SPRED2: variants seen among roughly 807,000 people sequenced by gnomAD.
SPRED2 encodes the protein sprouty related EVH1 domain containing 2.
In SPRED2, 47 loss-of-function variants were observed where a neutral mutation model predicts 43.0. The observed-to-expected ratio is 1.09, with a 90% CI of 0.87 to 1.40. The LOEUF (loss-of-function observed/expected upper bound fraction) is 1.40, where lower values mean the gene tolerates loss of function less well. Among genes scored for constraint, SPRED2 ranks in the 40% most tolerant of loss-of-function variants. The probability of loss-of-function intolerance (pLI) is 0.00; values close to 1 mark genes in which losing one functional copy is unlikely to be tolerated. For synonymous variants in SPRED2, 225 were observed against 225.7 expected (o/e 1.00, Z 0.03); for missense variants, 561 against 586.4 (o/e 0.96, Z 0.45).
intron 1 of SPRED2, among the ~76,000 whole-genome samples, chr2:65,353,295 CCCT>C (rs1486089805): frequency 6.6e-6 from 1 of 152,186 alleles, no homozygotes; most frequent in Non-Finnish European, 1.5e-5. Context: ...AGGGGCATGT[CCCT>C]CCTCATGCCT....
chr2:65,394,564 G>C (rs762894365), intron 1 of SPRED2, among the ~76,000 whole-genome samples: 3 of 152,170 alleles, frequency 2.0e-5, no homozygotes, highest in Non-Finnish European at 4.4e-5. Context: ...CGGACCACTG[G>C]AACTTAGAGA....
At position 65,379,357 on chromosome 2, in the gene SPRED2, C is replaced by T. The variant is rs77425047; in HGVS notation, c.27-34461G>A. ...TGAAATTTGTCATAGCTGCTGAGTACTGGGGCCCTAACAGCTGGTCTTATT... is the reference window on the plus strand; with the variant it reads ...TGAAATTTGTCATAGCTGCTGAGTATTGGGGCCCTAACAGCTGGTCTTATT... On this transcript the variant is annotated intron_variant, in intron 1 of 5. Coordinates refer to ENST00000356388, the MANE Select transcript of SPRED2 (RefSeq NM_181784.3). Among the ~76,000 whole-genome samples the T allele has an allele frequency of 7.3e-3, 1,105 of 152,152 alleles. 22 individuals are homozygous for T. The highest frequency in any genetic ancestry group is 0.025 in the African/African-American group (1,020 of 41,504).
chr2:65,385,913 T>C (rs925636994), intron 1 of SPRED2, among the ~76,000 whole-genome samples: 1 of 152,180 alleles, frequency 6.6e-6, no homozygotes, highest in Non-Finnish European at 1.5e-5. Context: ...CAGGTAAAGT[T>C]GATTTTTCCA....
chr2:65,362,875 G>C (rs2104319290), intron 1 of SPRED2, among the ~76,000 whole-genome samples: 1 of 143,734 alleles, frequency 7.0e-6, no homozygotes, highest in African/African-American at 2.6e-5. Flanking sequence ...AAAAAGAAAA[G>C]AAAAGAAAAG....
intron 1 of SPRED2, among the ~76,000 whole-genome samples, chr2:65,412,915 T>C (rs1676194749): frequency 1.3e-5 from 2 of 152,206 alleles, no homozygotes; most frequent in Non-Finnish European, 2.9e-5. Context: ...TCTCATTGCA[T>C]TGACTTGCGT....
In SPRED2 at chr2:65,432,370, G is replaced by C. The variant is rs1218993751; in HGVS notation, c.-383C>G. Among the ~76,000 whole-genome samples, 2 of 151,576 alleles carry C rather than the reference G, an allele frequency of 1.3e-5. No homozygotes were observed. Among genetic ancestry groups the C allele is most frequent in the South Asian group, 2.1e-4 (1 of 4,822 alleles). On this transcript the variant is annotated 5_prime_UTR_variant, in exon 1 of 6. Transcript: ENST00000356388. ...GAGGAGGAGAGCGCCGGCCGCGGGTGGGGGGGCTCAGTCCGGGGTCGCCCC... is the reference window on the plus strand; with the variant it reads ...GAGGAGGAGAGCGCCGGCCGCGGGTCGGGGGGCTCAGTCCGGGGTCGCCCC...
At chr2:65,430,729 C>A (rs1676659665) in intron 1 of SPRED2, among the ~76,000 whole-genome samples, 1 of 152,154 alleles carries the variant, frequency 6.6e-6, no homozygotes. Flanking sequence ...CAGCTCTTTG[C>A]GCCCAAGCCC....
In SPRED2 at chr2:65,402,278, CAAAAAAAAAA is replaced by C. The variant is rs58209803; in HGVS notation, c.26+29674_26+29683del. On this transcript the variant is annotated intron_variant, in intron 1 of 5. Transcript: ENST00000356388. Reference sequence around the variant, plus strand: ...TGGGAGACAGAGTGAGACTCTGTCTCAAAAAAAAAAAAAAAAAAAAAAAAAAACCAAAAAC... The same window carrying C: ...TGGGAGACAGAGTGAGACTCTGTCTCAAAAAAAAAAAAAAAAACCAAAAAC... Among the ~76,000 whole-genome samples, 6 of 64,404 alleles carry C rather than the reference CAAAAAAAAAA, an allele frequency of 9.3e-5. No individual in the cohort carries two copies. The Admixed American group carries it at 1.4e-3, about 15-fold the overall frequency. 42.3% of individuals were successfully genotyped at this position (64,404 alleles called of 152,430 possible).
intron 1 of SPRED2, 97 bp from the exon 2 acceptor site, chr2:65,344,993 T>G (rs1200401800): frequency 8.0e-7 from 1 of 1,257,852 alleles, no homozygotes; most frequent in Non-Finnish European, 1.1e-6. Flanking sequence ...CAGCACTTTT[T>G]TTGTTTTATC....
intron 2 of SPRED2, among the ~76,000 whole-genome samples, chr2:65,341,804 T>C (rs1674192864): frequency 6.6e-6 from 1 of 152,048 alleles, no homozygotes; most frequent in Non-Finnish European, 1.5e-5. Context: ...ACCATAGAAA[T>C]ACCAGGAAAA....
chr2:65,365,190 C>T (rs1003088309), intron 1 of SPRED2, among the ~76,000 whole-genome samples: 3 of 152,202 alleles, frequency 2.0e-5, no homozygotes, highest in Non-Finnish European at 4.4e-5. Context: ...TACTGTTCTT[C>T]TTCATTATTG....
chr2:65,337,585 T>A (rs1306861977), intron 2 of SPRED2, among the ~76,000 whole-genome samples: 4 of 152,246 alleles, frequency 2.6e-5, no homozygotes, highest in African/African-American at 9.6e-5. Flanking sequence ...CTTCTTTACA[T>A]ATACACAGGT....
rs113777276 is a variant in SPRED2 at position 65,313,401 on chromosome 2, T to C, written c.*100A>G. 18 of 1,505,724 alleles carry C rather than the reference T, an allele frequency of 1.2e-5. No homozygotes were observed. In the African/African-American group the frequency reaches 2.5e-4, roughly 21 times the overall value. 93.3% of individuals were successfully genotyped at this position (1,505,724 alleles called of 1,614,324 possible). A position where few individuals can be genotyped will look rare whatever the true frequency, so the allele number is the denominator to read the frequency against. ...GGAGCTGGGAGGCCGCTTGCCCTCC[T>C]CGCTCCTTGGAGTGGAAGGGAGCGG... On this transcript the variant is annotated 3_prime_UTR_variant, in exon 6 of 6. Transcript: ENST00000356388.
chr2:65,412,978 C>A (rs1676196149), intron 1 of SPRED2, among the ~76,000 whole-genome samples: 1 of 152,176 alleles, frequency 6.6e-6, no homozygotes, highest in African/African-American at 2.4e-5. Flanking sequence ...ATAAGCAGAT[C>A]ATTCACCTTC....
At chr2:65,358,703 T>C (rs1188157054) in intron 1 of SPRED2, among the ~76,000 whole-genome samples, 2 of 152,242 alleles carry the variant, frequency 1.3e-5, no homozygotes, top group Non-Finnish European at 2.9e-5. Flanking sequence ...TGTTTGAAAT[T>C]GGAATGTATC....
At position 65,314,040 on chromosome 2, in the gene SPRED2, A is replaced by G. The variant is rs1412145183; in HGVS notation, c.718T>C (p.Tyr240His). Residue 240 changes from tyrosine to histidine, a missense_variant, in exon 6 of 6, where the codon TAC becomes CAC. Tyr to His is a moderately conservative substitution (Grantham distance 83, BLOSUM62 2). This residue lies in a region of SPRED2 where 164 missense variants were observed against 164.1 expected (regional missense o/e 1.00). Coordinates refer to ENST00000356388, the MANE Select transcript of SPRED2 (RefSeq NM_181784.3). The part of the protein sequence containing the change: ...DYRHAPVRGK[Y>H]PDPSEDADSS... The stretch of plus-strand genomic sequence containing the variant: ...TCCGCGTCCTCCGAGGGGTCCGGGT[A>G]CTTGCCCCTGACGGGTGCGTGCCGG... 1 of 1,614,156 alleles carries G rather than the reference A, an allele frequency of 6.2e-7. No homozygotes were observed.
intron 1 of SPRED2, among the ~76,000 whole-genome samples, chr2:65,365,016 ATGT>A (rs757159496): frequency 5.3e-5 from 8 of 152,226 alleles, no homozygotes; most frequent in Non-Finnish European, 1.0e-4. Context: ...ACTTAAAAAA[ATGT>A]TGTTAATAAA....
chr2:65,391,195 T>TAC (rs70943648), intron 1 of SPRED2, among the ~76,000 whole-genome samples: 23,860 of 145,434 alleles, frequency 0.16, 1,950 homozygotes, highest in Middle Eastern at 0.28. Flanking sequence ...CCTTAATGTG[T>TAC]ACACACACAC....
Position 65,344,866 on chromosome 2 carries a change from C to G in SPRED2, c.57G>C (p.Val19=), listed in dbSNP as rs1217665956. Residue 19 remains valine (V), a synonymous_variant, in exon 2 of 6, where the codon GTG becomes GTC. Coordinates refer to ENST00000356388, the MANE Select transcript of SPRED2 (RefSeq NM_181784.3). ...DDSYIVRVKA[V]VMTRDDSSGG... ...CGCTGGAGTCATCTCTGGTCATAACCACAGCCTTGACACGCACAATATAGC... is the reference window on the plus strand; with the variant it reads ...CGCTGGAGTCATCTCTGGTCATAACGACAGCCTTGACACGCACAATATAGC... The G allele has an allele frequency of 6.2e-7, 1 of 1,614,104 alleles. No homozygotes were observed. Among genetic ancestry groups the G allele is most frequent in the East Asian group, 2.2e-5 (1 of 44,876 alleles).
Sources: gnomAD v4.1 joint callset for allele counts (sites outside exome capture counted in the v4.1 genomes callset) on GRCh38, gnomAD v4.1.1 for gene constraint, gnomAD v4.1.1 regional missense constraint, MANE v1.5 for transcripts, NCBI Gene and HGNC (gene_info 2026-07-23, HGNC 2026-07-21) for gene names.